Variants in XPA observed in about 807,000 individuals in gnomAD.
The protein encoded by XPA is DNA repair protein complementing XP-A cells.
Under a neutral mutation model 35.7 loss-of-function variants are expected in XPA, and 27 were observed. The ratio of observed to expected loss-of-function variants is 0.76; its 90% confidence interval spans 0.56 to 1.04. The LOEUF is 1.04. Ranked by LOEUF, XPA falls within the 50% of genes least tolerant of loss-of-function variation. The pLI is 0.00. For synonymous variants in XPA, 133 were observed against 118.4 expected (o/e 1.12, Z -0.80); for missense variants, 354 against 342.7 (o/e 1.03, Z -0.26).
At chr9:97,681,269 T>C (rs1290520947) in intron 5 of XPA, among the ~76,000 whole-genome samples, 1 of 152,170 alleles carries the variant, frequency 6.6e-6, no homozygotes, top group African/African-American at 2.4e-5. Context: ...ACAGTAAGTA[T>C]TGACTCATGG....
the XPA span, chr9:97,655,779 G>C: frequency 1.2e-6 from 2 of 1,600,862 alleles, no homozygotes; most frequent in Non-Finnish European, 1.7e-6. Context: ...GTGATGGTTT[G>C]TTTTATCTTT....
intron 4 of XPA, among the ~76,000 whole-genome samples, chr9:97,685,552 T>G (rs1405740473): frequency 1.3e-5 from 2 of 152,220 alleles, no homozygotes; most frequent in African/African-American, 4.8e-5. Flanking sequence ...GTAAAAAGTC[T>G]TCATTCTACT....
At chr9:97,690,295 C>T (rs1253299939) in intron 2 of XPA, among the ~76,000 whole-genome samples, 1 of 152,244 alleles carries the variant, frequency 6.6e-6, no homozygotes, top group African/African-American at 2.4e-5. Flanking sequence ...AGTGTAACCT[C>T]CACCTCTCGG....
At chr9:97,691,130 A>G (rs1828873546) in intron 2 of XPA, among the ~76,000 whole-genome samples, 1 of 152,260 alleles carries the variant, frequency 6.6e-6, no homozygotes, top group African/African-American at 2.4e-5. Context: ...ACAGCATGGT[A>G]ATAGAAGAGA....
chr9:97,695,113 T>G (rs942162815), intron 1 of XPA, among the ~76,000 whole-genome samples: 2 of 152,190 alleles, frequency 1.3e-5, no homozygotes, highest in Non-Finnish European at 2.9e-5. Context: ...ATAGGAAAAC[T>G]TCTAAGGTTC....
Position 97,675,063 on chromosome 9 carries a change from T to C in XPA, c.*376A>G, listed in dbSNP as rs1299219595. 1 of 534,816 alleles carries C rather than the reference T, an allele frequency of 1.9e-6. No homozygotes were observed. The allele number at this position is 534,816 out of a possible 1,614,324, so 33.1% of individuals were successfully genotyped here. ...GGTGCACCACCATTGCTATTATTTG[T>C]TTCTTGGTTAAGAATCCAGTTCAGC... On this transcript the variant is annotated 3_prime_UTR_variant, in exon 6 of 6. Transcript: ENST00000375128.
At chr9:97,689,854 A>T (rs1436784784) in intron 2 of XPA, among the ~76,000 whole-genome samples, 1 of 152,228 alleles carries the variant, frequency 6.6e-6, no homozygotes, top group Non-Finnish European at 1.5e-5. Flanking sequence ...AATTCCACAA[A>T]TATTTCTGAA....
chr9:97,696,291 G>A (rs1461615034), intron 1 of XPA, among the ~76,000 whole-genome samples: 1 of 152,176 alleles, frequency 6.6e-6, no homozygotes, highest in African/African-American at 2.4e-5. Context: ...CAGCCCTGAA[G>A]AACTGCCTGT....
At chr9:97,677,982 T>TA (rs1828419131) in intron 5 of XPA, among the ~76,000 whole-genome samples, 1 of 152,056 alleles carries the variant, frequency 6.6e-6, no homozygotes. Context: ...AAAACTAAAA[T>TA]GAACCATGAA....
the XPA span, chr9:97,655,673 C>T: frequency 6.4e-7 from 1 of 1,563,390 alleles, no homozygotes; most frequent in African/African-American, 1.4e-5. Context: ...CTTCCTTTTT[C>T]TCTGCCTACC....
chr9:97,674,818 A>G (rs1828299061), downstream of XPA: 1 of 390,052 alleles, frequency 2.6e-6, no homozygotes, highest in Admixed American at 3.6e-5. Flanking sequence ...CCATGAAAAC[A>G]GCTCTTTTCC....
chr9:97,670,715 G>A (rs111337217), downstream of XPA, among the ~76,000 whole-genome samples: 13 of 152,118 alleles, frequency 8.5e-5, no homozygotes, highest in Admixed American at 2.6e-4. Context: ...CTGTCAGTCC[G>A]TCTGGCTGCT....
chr9:97,662,268 G>GTGGGTT, the XPA span: 1 of 678,260 alleles, frequency 1.5e-6, no homozygotes, highest in East Asian at 2.8e-5. Context: ...ATTGGACACA[G>GTGGGTT]TGGGTTTGGG....
At chr9:97,671,046 C>A, downstream of XPA, 3 of 1,368,914 alleles carry the variant, frequency 2.2e-6, no homozygotes, top group Non-Finnish European at 3.1e-6. Context: ...TGCTTATATG[C>A]TTTTTCCTGA....
rs746617574 is a variant in XPA at position 97,687,096 on chromosome 9, C to G, written c.555G>C (p.Gln185His). ...ATAATAAATACAACTTATTAGAGAC[C>G]TGTAACTTTAAGTAGAGTTTCATAT... ...WGDMKLYLKL[Q>H]IVKRSLEVWG... Residue 185 changes from glutamine (Q) to histidine (H), a missense_variant and splice_region_variant, in exon 4 of 6, where the codon CAG (glutamine) becomes CAC (histidine). Physicochemically the swap from Gln to His is conservative, Grantham distance 24. Transcript: ENST00000375128. 8.2e-5 allele frequency: 132 copies of G among 1,608,286 alleles called. No individual in the cohort carries two copies. The highest frequency in any genetic ancestry group is 1.1e-4 in the Non-Finnish European group (130 of 1,178,348).
chr9:97,694,433 C>G (rs1828983844), intron 1 of XPA, among the ~76,000 whole-genome samples: 1 of 152,166 alleles, frequency 6.6e-6, no homozygotes, highest in Non-Finnish European at 1.5e-5. Flanking sequence ...AAAGACAACC[C>G]AACTTTTAAA....
the XPA span, chr9:97,664,232 T>C: frequency 1.6e-6 from 1 of 645,008 alleles, no homozygotes; most frequent in South Asian, 2.7e-5. Flanking sequence ...CCACCAAAAC[T>C]AAATTTTATA....
chr9:97,667,872 G>T, the XPA span, among the ~76,000 whole-genome samples: 1 of 152,192 alleles, frequency 6.6e-6, no homozygotes, highest in South Asian at 2.1e-4. Flanking sequence ...TTGAAGAAAG[G>T]TCTATCTATT....
At chr9:97,671,988 T>C (rs1297336219), downstream of XPA, 1 of 152,202 alleles carries the variant, frequency 6.6e-6, no homozygotes, top group African/African-American at 2.4e-5. Flanking sequence ...CAAGGTCTTG[T>C]AGTGAGTTAC....
Sources: gnomAD v4.1 joint callset for allele counts (sites outside exome capture counted in the v4.1 genomes callset) on GRCh38, gnomAD v4.1.1 for gene constraint, MANE v1.5 for transcripts, NCBI Gene and HGNC (gene_info 2026-07-23, HGNC 2026-07-21) for gene names.